SFSWAP: variants seen among roughly 807,000 people sequenced by gnomAD.
SFSWAP encodes splicing factor, suppressor of white-apricot homolog.
Under a neutral mutation model 100.7 loss-of-function variants are expected in SFSWAP, and 17 were observed. The ratio of observed to expected loss-of-function variants is 0.17; its 90% CI spans 0.12 to 0.25. The LOEUF (loss-of-function observed/expected upper bound fraction) is 0.25. Ranked by LOEUF, SFSWAP falls within the 10% of genes least tolerant of loss-of-function variation. The pLI, the probability that SFSWAP is intolerant of heterozygous loss-of-function variation, is 1.00. For missense variants in SFSWAP, 1,005 were observed against 1,262.6 expected, an observed-to-expected ratio of 0.80 and a Z score of 3.09; for synonymous variants, 504 against 510.1, an observed-to-expected ratio of 0.99 and a Z score of 0.16.
At position 131,741,096 on chromosome 12, in the gene SFSWAP, C is replaced by T. The variant is rs564564677; in HGVS notation, c.1082-12027C>T. 8.7e-4 allele frequency among the ~76,000 whole-genome samples: 129 copies of T among 149,044 alleles called. 1 individual carries two copies. The highest frequency in any genetic ancestry group is 3.0e-3 in the African/African-American group (122 of 40,760). ...CAAGCAATTCTCTGCCTCAGCCTCT[C>T]GAGTAGCTGGGATTACAGGCGTCCG... is the stretch of plus-strand genomic sequence containing the variant. On this transcript the variant is annotated intron_variant, in intron 7 of 17. Transcript: ENST00000261674.
intron 7 of SFSWAP, among the ~76,000 whole-genome samples, chr12:131,743,648 T>C (rs1880862254): frequency 6.6e-6 from 1 of 152,222 alleles, no homozygotes; most frequent in Non-Finnish European, 1.5e-5. Context: ...CGGTGCAAGC[T>C]GTTGGTGGAT....
chr12:131,714,776 C>G lies in SFSWAP; in HGVS notation c.389-46C>G. The G allele has an allele frequency of 6.4e-7, 1 of 1,563,356 alleles. No individual in the cohort carries two copies. The highest frequency in any genetic ancestry group is 8.8e-7 in the Non-Finnish European group (1 of 1,137,322). ...CTTTAGAAATATATAAAGTTTTTCT[C>G]AGTAATTTTCTATTTTTGTTGATAA... On this transcript the variant is annotated intron_variant, in intron 2 of 17. Transcript: ENST00000261674. This position sits in a 1 kb window ranked among gnomAD's most constrained non-coding sequence, Gnocchi z 6.0.
intron 7 of SFSWAP, among the ~76,000 whole-genome samples, chr12:131,736,106 G>A (rs1435222587): frequency 6.6e-6 from 1 of 152,170 alleles, no homozygotes. Context: ...AAACAAGGCG[G>A]CACCAGCACA....
At chr12:131,786,861 G>A (rs575075621) in intron 15 of SFSWAP, among the ~76,000 whole-genome samples, 58 of 152,278 alleles carry the variant, frequency 3.8e-4, no homozygotes, top group African/African-American at 1.3e-3. Flanking sequence ...CTGGTACCTC[G>A]GCTGGGTCCA....
Position 131,778,760 on chromosome 12 carries a change from C to T in SFSWAP, c.2408+430C>T, listed in dbSNP as rs1403428456. ...CTTAAACTCCTGACCTCAGGTAATC[C>T]ACCCACCTTGGCCTCCCAGAGTGCT... On this transcript the variant is annotated intron_variant, in intron 14 of 17. Coordinates refer to ENST00000261674, the MANE Select transcript of SFSWAP (RefSeq NM_004592.4). This position sits in a 1 kb window ranked among gnomAD's most constrained non-coding sequence, Gnocchi z 4.2. 6.6e-6 allele frequency among the ~76,000 whole-genome samples: 1 copy of T among 152,078 alleles called. No individual in the cohort carries two copies. The highest frequency in any genetic ancestry group is 1.5e-5 in the Non-Finnish European group (1 of 68,022).
intron 4 of SFSWAP, chr12:131,723,387 T>C (rs1240740152): frequency 6.6e-6 from 1 of 152,212 alleles, no homozygotes; most frequent in Non-Finnish European, 1.5e-5. Flanking sequence ...GTGATATATG[T>C]CCCTCTATTC....
At chr12:131,727,188 A>G (rs1879057904) in intron 6 of SFSWAP, 136 bp downstream of exon 6, 2 of 637,604 alleles carry the variant, frequency 3.1e-6, no homozygotes, top group Non-Finnish European at 5.4e-6. Context: ...GTGTATTTGC[A>G]TTTTTGTTTT....
At chr12:131,756,902 A>G (rs1013614525) in intron 11 of SFSWAP, 8 of 393,990 alleles carry the variant, frequency 2.0e-5, no homozygotes, top group African/African-American at 1.0e-4. Flanking sequence ...GGACATTTGT[A>G]CAGAAAGTTT....
chr12:131,752,259 C>A (rs1373048378), intron 7 of SFSWAP, among the ~76,000 whole-genome samples: 2 of 152,158 alleles, frequency 1.3e-5, no homozygotes, highest in Non-Finnish European at 2.9e-5. Context: ...TTGCCATCTC[C>A]TAATAAAGAG....
At chr12:131,726,692 G>A (rs1325724200) in intron 5 of SFSWAP, among the ~76,000 whole-genome samples, 1 of 152,192 alleles carries the variant, frequency 6.6e-6, no homozygotes, top group Non-Finnish European at 1.5e-5. Flanking sequence ...CAGAGAGAAA[G>A]AAAGCATACA....
chr12:131,743,716 A>AC (rs1396900334), intron 7 of SFSWAP, among the ~76,000 whole-genome samples: 1 of 151,908 alleles, frequency 6.6e-6, no homozygotes, highest in East Asian at 1.9e-4. Flanking sequence ...ACTAGGCAGT[A>AC]CCCCAGTAGG....
In SFSWAP at chr12:131,725,529, G is replaced by C; in HGVS notation, c.731G>C (p.Arg244Pro). 1 of 1,614,110 alleles carries C rather than the reference G, an allele frequency of 6.2e-7. No individual in the cohort carries two copies. The highest frequency in any genetic ancestry group is 8.5e-7 in the Non-Finnish European group (1 of 1,180,014). Residue 244 changes from arginine (R) to proline (P), a missense_variant, in exon 5 of 18, where the codon CGC (arginine) becomes CCC (proline). Arg to Pro is a moderately radical substitution (Grantham distance 103). Transcript: ENST00000261674. This position sits in a 1 kb window ranked among gnomAD's most constrained non-coding sequence, Gnocchi z 4.3. ...QARNSQFDFL[R>P]FDHYLNPYYK... Reference sequence around the variant, plus strand: ...CGGAACTCCCAGTTTGACTTTCTGCGCTTCGACCACTACCTCAACCCCTAC... The same window carrying C: ...CGGAACTCCCAGTTTGACTTTCTGCCCTTCGACCACTACCTCAACCCCTAC...
chr12:131,789,529 C>G (rs1005503188), intron 15 of SFSWAP, among the ~76,000 whole-genome samples: 1 of 152,070 alleles, frequency 6.6e-6, no homozygotes. Flanking sequence ...GAGTGAAACC[C>G]TCTCTTTCAA....
In SFSWAP at chr12:131,714,116, T is replaced by C. The variant is rs751178696; in HGVS notation, c.264T>C (p.Ala88=). The stretch of plus-strand genomic sequence containing the variant: ...TGCATGACCTTTCTGAGTACGATGC[T>C]GAGTATTCCACGTGGAACAGAGATT... ...GHLHDLSEYD[A]EYSTWNRDYQ... The change falls in exon 2 of 18, where the codon GCT becomes GCC. Residue 88 remains alanine (A), a synonymous_variant. Coordinates refer to ENST00000261674, the MANE Select transcript of SFSWAP (RefSeq NM_004592.4). This position sits in a 1 kb window ranked among gnomAD's most constrained non-coding sequence, Gnocchi z 6.0. 1 of 1,613,976 alleles carries C rather than the reference T, an allele frequency of 6.2e-7. No homozygotes were observed. The highest frequency in any genetic ancestry group is 8.5e-7 in the Non-Finnish European group (1 of 1,179,986).
chr12:131,719,960 T>C (rs73160768), intron 4 of SFSWAP, among the ~76,000 whole-genome samples: 6 of 152,344 alleles, frequency 3.9e-5, no homozygotes, highest in African/African-American at 9.6e-5. Flanking sequence ...CACTTCACGT[T>C]ACATTTTCTT....
chr12:131,736,560 C>G (rs1204282994), intron 7 of SFSWAP, among the ~76,000 whole-genome samples: 2 of 152,104 alleles, frequency 1.3e-5, no homozygotes, highest in Non-Finnish European at 2.9e-5. Flanking sequence ...ACTGCCTGCT[C>G]ACAGGCATCG....
At position 131,733,333 on chromosome 12, in the gene SFSWAP, C is replaced by T. The variant is rs117795750; in HGVS notation, c.1081+4905C>T. Among the ~76,000 whole-genome samples, 999 of 152,306 alleles carry T rather than the reference C, an allele frequency of 6.6e-3. 4 individuals are homozygous for T. The highest frequency in any genetic ancestry group is 0.014 in the South Asian group (69 of 4,822). ...ACCTGTTGAGCCAGGGGTGGATTGG[C>T]AGGCCTATAAGGCGCCTTTCACATT... On this transcript the variant is annotated intron_variant, in intron 7 of 17. Coordinates refer to ENST00000261674, the MANE Select transcript of SFSWAP (RefSeq NM_004592.4). This position sits in a 1 kb window ranked among gnomAD's most constrained non-coding sequence, Gnocchi z 5.1.
rs554228638 is a variant in SFSWAP, at chr12:131,792,013, A to G, written c.2535-5165A>G. ...CACCCGTGTGTGTGCACAGACCAGT[A>G]CAGTGTGTGCACTCGTGTGTGTTCA... On this transcript the variant is annotated intron_variant, in intron 15 of 17. Coordinates refer to ENST00000261674, the MANE Select transcript of SFSWAP (RefSeq NM_004592.4). Among the ~76,000 whole-genome samples the G allele has an allele frequency of 9.9e-5, 15 of 150,896 alleles. No homozygotes were observed. The South Asian group carries it at 3.2e-3, about 32-fold the overall frequency.
chr12:131,745,826 A>C (rs1286752182), intron 7 of SFSWAP, among the ~76,000 whole-genome samples: 1 of 152,034 alleles, frequency 6.6e-6, no homozygotes, highest in Non-Finnish European at 1.5e-5. Context: ...ATTGCCATGA[A>C]AACAATTTAT....
Sources: gnomAD v4.1 joint callset for allele counts (sites outside exome capture counted in the v4.1 genomes callset) on GRCh38, gnomAD v4.1.1 for gene constraint, Gnocchi (gnomAD v3.1) non-coding constraint, MANE v1.5 for transcripts, NCBI Gene and HGNC (gene_info 2026-07-23, HGNC 2026-07-21) for gene names.